The following PGLYRP3 variants were observed in gnomAD, a reference collection of about 807,000 sequenced individuals.
The protein encoded by PGLYRP3 is peptidoglycan recognition protein 3.
A neutral mutation model predicts 36.0 loss-of-function variants in PGLYRP3; 39 were observed. The ratio of observed to expected loss-of-function variants is 1.08; its 90% CI spans 0.84 to 1.41. The LOEUF is 1.41. Ranked by LOEUF, PGLYRP3 falls within the 40% of genes most tolerant of loss-of-function variation. The probability of loss-of-function intolerance (pLI) is 0.00; values close to 1 mark genes in which losing one functional copy is unlikely to be tolerated. For synonymous variants in PGLYRP3, 204 were observed against 172.8 expected (o/e 1.18, Z -1.42); for missense variants, 407 against 427.9 (o/e 0.95, Z 0.43).
At chr1:153,311,846 C>A in intron 1 of PGLYRP3, among the ~76,000 whole-genome samples, 1 of 152,192 alleles carries the variant, frequency 6.6e-6, no homozygotes, top group African/African-American at 2.4e-5. Context: ...TCAGGACAAG[C>A]AACCACTTAG....
intron 7 of PGLYRP3, among the ~76,000 whole-genome samples, chr1:153,298,393 C>T (rs188250304): frequency 2.6e-5 from 4 of 152,224 alleles, no homozygotes; most frequent in East Asian, 1.9e-4. Context: ...CAGTAGCTCA[C>T]GCCTGTAATC....
intron 6 of PGLYRP3, among the ~76,000 whole-genome samples, chr1:153,301,033 C>T (rs1383750738): frequency 6.6e-6 from 1 of 152,210 alleles, no homozygotes; most frequent in African/African-American, 2.4e-5. Flanking sequence ...TCCGTTTCAG[C>T]CTTCCAAGTA....
chr1:153,301,271 AT>A (rs1436004929), intron 6 of PGLYRP3, among the ~76,000 whole-genome samples: 2 of 152,176 alleles, frequency 1.3e-5, no homozygotes, highest in Non-Finnish European at 2.9e-5. Context: ...AGATTGATAT[AT>A]CTCGTCTAGC....
chr1:153,306,908 G>A (rs758276163), intron 3 of PGLYRP3, among the ~76,000 whole-genome samples, 158 bp downstream of exon 3: 9 of 152,128 alleles, frequency 5.9e-5, no homozygotes, highest in East Asian at 1.9e-4. Flanking sequence ...TACAATCCCC[G>A]AAGGATTCGG....
chr1:153,308,636 T>A (rs1319551200), intron 2 of PGLYRP3, among the ~76,000 whole-genome samples: 1 of 152,194 alleles, frequency 6.6e-6, no homozygotes, highest in Non-Finnish European at 1.5e-5. Context: ...AGAGCACTGG[T>A]GCATTGGTGC....
rs1159432245 is a variant in PGLYRP3, at chr1:153,297,451, GGAGA to G, written c.*501_*504del. Reference sequence around the variant, plus strand: ...TCACCAGGCAGAGGCGGGGAGAGGGGGAGAGAGAGAGAGAGAGAGAGAGAGTGAG... The same window carrying G: ...TCACCAGGCAGAGGCGGGGAGAGGGGGAGAGAGAGAGAGAGAGAGAGTGAG... On this transcript the variant is annotated 3_prime_UTR_variant, in exon 8 of 8. Transcript: ENST00000683862. Among the ~76,000 whole-genome samples, 201 of 37,392 alleles carry G rather than the reference GGAGA, an allele frequency of 5.4e-3. 2 individuals are homozygous for G. Among genetic ancestry groups the G allele is most frequent in the African/African-American group, 6.4e-3 (63 of 9,796 alleles). The allele number at this position is 37,392 out of a possible 152,430, so 24.5% of individuals were successfully genotyped here. A position where few individuals can be genotyped will look rare whatever the true frequency, so the allele number is the denominator to read the frequency against.
chr1:153,299,229 A>C lies in PGLYRP3; in HGVS notation c.731T>G (p.Phe244Cys), dbSNP rs762030999. 1 of 1,613,202 alleles carries C rather than the reference A, an allele frequency of 6.2e-7. No homozygotes were observed. The highest frequency in any genetic ancestry group is 8.5e-7 in the Non-Finnish European group (1 of 1,179,256). Residue 244 changes from phenylalanine (F) to cysteine (C), a missense_variant and splice_region_variant, in exon 7 of 8, where the codon TTC (phenylalanine) becomes TGC (cysteine). By Grantham distance (205) the Phe-to-Cys change is radical. Transcript: ENST00000683862. ...TRNFCDIGYH[F>C]LVGQDGGVYE... The stretch of plus-strand genomic sequence containing the variant: ...CACGCCACCATCCTGGCCCACCAGG[A>C]AGCTTAGGTCAGGAAAAGAAAATGA...
chr1:153,307,813 C>T (rs113271600), intron 2 of PGLYRP3, among the ~76,000 whole-genome samples: 33 of 152,114 alleles, frequency 2.2e-4, no homozygotes, highest in African/African-American at 4.8e-4. Context: ...TTCTTCCGGG[C>T]GAACACTCCC....
At chr1:153,302,132 C>T (rs780701978) in intron 6 of PGLYRP3, among the ~76,000 whole-genome samples, 3 of 152,192 alleles carry the variant, frequency 2.0e-5, no homozygotes, top group Non-Finnish European at 2.9e-5. Flanking sequence ...TCATGGCCTT[C>T]CCTGAGGGTA....
rs1346605476 is a variant in PGLYRP3 at position 153,297,569 on chromosome 1, GA to G, written c.*386del. Among the ~76,000 whole-genome samples, 8 of 91,754 alleles carry G rather than the reference GA, an allele frequency of 8.7e-5. No individual in the cohort carries two copies. In the East Asian group the frequency reaches 1.5e-3, roughly 17 times the overall value. The allele number at this position is 91,754 out of a possible 152,430, so 60.2% of individuals were successfully genotyped here. A position where few individuals can be genotyped will look rare whatever the true frequency, so the allele number is the denominator to read the frequency against. Reference sequence around the variant, plus strand: ...AAGGAAGGAAAGAAAGAAAAAGAAAGAAAGAAAGAAAGAAGAAAGAAAGAAA... The same window carrying G: ...AAGGAAGGAAAGAAAGAAAAAGAAAGAAGAAAGAAAGAAGAAAGAAAGAAA... On this transcript the variant is annotated 3_prime_UTR_variant, in exon 8 of 8. Transcript: ENST00000683862.
At chr1:153,307,742 C>T (rs926658603) in intron 2 of PGLYRP3, among the ~76,000 whole-genome samples, 1 of 152,164 alleles carries the variant, frequency 6.6e-6, no homozygotes, top group African/African-American at 2.4e-5. Context: ...CTCTATCAGT[C>T]TCCTCAACTA....
In PGLYRP3 at chr1:153,297,554, A is replaced by AAGGAAGGAAGGAAGGAAGGAAGGAAG; in HGVS notation, c.*401_*402insCTTCCTTCCTTCCTTCCTTCCTTCCT. ...AGGAAGGAAGGAAGGAAGGAAGGAA[A>AAGGAAGGAAGGAAGGAAGGAAGGAAG]GAAAGAAAAAGAAAGAAAGAAAGAA... On this transcript the variant is annotated 3_prime_UTR_variant, in exon 8 of 8. Coordinates refer to ENST00000683862, the MANE Select transcript of PGLYRP3 (RefSeq NM_052891.3). Among the ~76,000 whole-genome samples the AAGGAAGGAAGGAAGGAAGGAAGGAAG allele has an allele frequency of 1.9e-5, 1 of 52,640 alleles. No individual in the cohort carries two copies. Among genetic ancestry groups the AAGGAAGGAAGGAAGGAAGGAAGGAAG allele is most frequent in the South Asian group, 6.6e-4 (1 of 1,514 alleles). 34.5% of individuals were successfully genotyped at this position (52,640 alleles called of 152,430 possible).
intron 2 of PGLYRP3, among the ~76,000 whole-genome samples, chr1:153,308,233 A>C (rs1279848768): frequency 6.6e-6 from 1 of 152,048 alleles, no homozygotes; most frequent in Non-Finnish European, 1.5e-5. Flanking sequence ...TGACCTCGTG[A>C]TCCACCCTCC....
intron 4 of PGLYRP3, 34 bp downstream of exon 4, chr1:153,304,913 C>T: frequency 6.4e-7 from 1 of 1,554,834 alleles, no homozygotes; most frequent in Non-Finnish European, 8.8e-7. Context: ...GTACACAACT[C>T]TCCAGCACAG....
chr1:153,298,197 C>A (rs1015593510), intron 7 of PGLYRP3, 63 bp from the exon 8 acceptor site: 94 of 1,549,874 alleles, frequency 6.1e-5, no homozygotes, highest in Non-Finnish European at 8.2e-5. Context: ...AGGGAAGGGA[C>A]AAGCACCTAG....
At position 153,303,935 on chromosome 1, in the gene PGLYRP3, A is replaced by T; in HGVS notation, c.451T>A (p.Ser151Thr). 6.2e-7 allele frequency: 1 copy of T among 1,614,120 alleles called. No individual in the cohort carries two copies. The highest frequency in any genetic ancestry group is 8.5e-7 in the Non-Finnish European group (1 of 1,179,978). Residue 151 changes from serine (S) to threonine (T), a missense_variant, in exon 5 of 8, where the codon TCG (serine) becomes ACG (threonine). Physicochemically the swap from Ser to Thr is moderately conservative, Grantham distance 58. Coordinates refer to ENST00000683862, the MANE Select transcript of PGLYRP3 (RefSeq NM_052891.3). ...AGAAGTGGCTGAATATACCTGGGCG[A>T]CAGGTGACCCTTCTGGATGGCATAG... is the stretch of plus-strand genomic sequence containing the variant. ...ISYAIQKGHLSPRYIQPLLLK... is the reference protein window; with the variant it reads ...ISYAIQKGHLTPRYIQPLLLK...
intron 7 of PGLYRP3, among the ~76,000 whole-genome samples, chr1:153,298,459 C>G (rs941158947): frequency 6.6e-6 from 1 of 151,976 alleles, no homozygotes; most frequent in Admixed American, 6.6e-5. Flanking sequence ...TCGAGATCAC[C>G]CTGGCTAACA....
intron 5 of PGLYRP3, 75 bp downstream of exon 5, chr1:153,303,782 A>C: frequency 6.7e-7 from 1 of 1,490,832 alleles, no homozygotes; most frequent in Non-Finnish European, 9.1e-7. Flanking sequence ...AACAGGAAAA[A>C]GCACTCCCAA....
At chr1:153,303,702 G>T (rs1412697917) in intron 5 of PGLYRP3, among the ~76,000 whole-genome samples, 155 bp downstream of exon 5, 4 of 152,184 alleles carry the variant, frequency 2.6e-5, no homozygotes, top group Non-Finnish European at 4.4e-5. Context: ...CCAGGAAGAT[G>T]CCCTCTCAGA....
Sources: allele counts gnomAD v4.1 joint callset (sites outside exome capture counted in the v4.1 genomes callset), GRCh38; gene constraint gnomAD v4.1.1; transcripts MANE v1.5; gene names NCBI Gene and HGNC (gene_info 2026-07-23, HGNC 2026-07-21).